Variants in MYLK4 observed in about 807,000 individuals in gnomAD.
MYLK4 encodes caMLCK like.
A neutral mutation model predicts 48.1 loss-of-function variants in MYLK4; 46 were observed. The ratio of observed to expected loss-of-function variants is 0.96; its 90% confidence interval spans 0.75 to 1.22. MYLK4 has a LOEUF of 1.22. Among genes scored for constraint, MYLK4 ranks in the 50% most tolerant of loss-of-function variants. The pLI is 0.00. For missense variants in MYLK4, 451 were observed against 486.1 expected (o/e 0.93, Z 0.68); for synonymous variants, 170 against 180.8 (o/e 0.94, Z 0.48).
intron 2 of MYLK4, among the ~76,000 whole-genome samples, chr6:2,712,601 C>G (rs975384792): frequency 6.6e-6 from 1 of 152,170 alleles, no homozygotes; most frequent in Non-Finnish European, 1.5e-5. Context: ...TAAACTTAAG[C>G]TAAGCAGAAT....
intron 2 of MYLK4, among the ~76,000 whole-genome samples, chr6:2,724,956 G>A (rs1407275286): frequency 6.6e-6 from 1 of 152,154 alleles, no homozygotes; most frequent in Non-Finnish European, 1.5e-5. Flanking sequence ...TTTAAGACCA[G>A]CCTGGCCAAC....
intron 2 of MYLK4, among the ~76,000 whole-genome samples, chr6:2,742,278 C>T (rs1040949083): frequency 2.0e-5 from 3 of 152,158 alleles, no homozygotes; most frequent in Non-Finnish European, 2.9e-5. Context: ...TAGAGCTCTC[C>T]GACTTCTGAA....
rs572236509 is a variant in MYLK4 at position 2,743,293 on chromosome 6, TAA to T, written c.159+5841_159+5842del. On this transcript the variant is annotated intron_variant, in intron 2 of 12. Coordinates refer to ENST00000274643, the MANE Select transcript of MYLK4 (RefSeq NM_001012418.5). ...AAATAATTTATCATATGCTAATTGA[TAA>T]GAGAGTCAAATATGTGCAAAGAGCT... Among the ~76,000 whole-genome samples the T allele has an allele frequency of 1.3e-4, 20 of 152,380 alleles. No individual in the cohort carries two copies. The Middle Eastern group carries it at 0.014, about 104-fold the overall frequency.
At chr6:2,714,333 G>A (rs1425762194) in intron 2 of MYLK4, among the ~76,000 whole-genome samples, 1 of 152,180 alleles carries the variant, frequency 6.6e-6, no homozygotes, top group Non-Finnish European at 1.5e-5. Flanking sequence ...TAAGTAAACT[G>A]CCCCTCAATT....
chr6:2,699,026 A>G (rs1385524860), intron 2 of MYLK4, among the ~76,000 whole-genome samples: 1 of 152,178 alleles, frequency 6.6e-6, no homozygotes, highest in Non-Finnish European at 1.5e-5. Context: ...CAGTCACCTG[A>G]GAAAATAACC....
the MYLK4 span, among the ~76,000 whole-genome samples, chr6:2,759,037 G>A: frequency 0.1 from 15,846 of 152,172 alleles, 897 homozygotes; most frequent in South Asian, 0.17. Flanking sequence ...CTTAGTTTTT[G>A]CTAATCTATT....
chr6:2,683,215 T>C, intron 6 of MYLK4, 53 bp from the exon 7 acceptor site: 1 of 1,604,626 alleles, frequency 6.2e-7, no homozygotes. Flanking sequence ...TACCACCATG[T>C]GCTTTTCTCG....
chr6:2,681,190 G>T (rs143410262), intron 7 of MYLK4, among the ~76,000 whole-genome samples: 386 of 152,278 alleles, frequency 2.5e-3, no homozygotes, highest in Non-Finnish European at 4.3e-3. Flanking sequence ...AAATGCCCAG[G>T]ATCCCGTTCC....
At chr6:2,668,559 T>G (rs1190244936) in intron 12 of MYLK4, among the ~76,000 whole-genome samples, 2 of 152,202 alleles carry the variant, frequency 1.3e-5, no homozygotes, top group East Asian at 3.9e-4. Flanking sequence ...CTGGAACTCT[T>G]TCTTTTACAA....
rs748813900 is a variant in MYLK4, at chr6:2,692,751, A to G, written c.235+33T>C. On this transcript the variant is annotated intron_variant, in intron 3 of 12. Transcript: ENST00000274643. ...GGACTTTTATAACGGAACTTTCTTC[A>G]TCCATAACTATCTACTTTTCTAAAG... 8 of 1,595,372 alleles carry G rather than the reference A, an allele frequency of 5.0e-6. No individual in the cohort carries two copies. The Admixed American group carries it at 6.7e-5, about 13-fold the overall frequency.
intron 3 of MYLK4, among the ~76,000 whole-genome samples, chr6:2,692,149 T>C (rs1761828008): frequency 6.6e-6 from 1 of 152,180 alleles, no homozygotes; most frequent in Non-Finnish European, 1.5e-5. Context: ...AAACACTGGG[T>C]GTTCATTTTT....
Position 2,671,282 on chromosome 6 carries a change from A to C in MYLK4, c.*19T>G, listed in dbSNP as rs754555634. The stretch of plus-strand genomic sequence containing the variant: ...CAGGAGACCCAAGACTAACCTTCCA[A>C]ATGGCTGCCTCCTGTAGACTATTTG... On this transcript the variant is annotated 3_prime_UTR_variant, in exon 12 of 13. Transcript: ENST00000274643. The C allele has an allele frequency of 2.5e-5, 41 of 1,612,816 alleles. No individual in the cohort carries two copies. Among genetic ancestry groups the C allele is most frequent in the Non-Finnish European group, 3.4e-5 (40 of 1,179,130 alleles).
intron 7 of MYLK4, among the ~76,000 whole-genome samples, chr6:2,682,055 G>A (rs1208990762): frequency 1.3e-5 from 2 of 152,166 alleles, no homozygotes; most frequent in Non-Finnish European, 2.9e-5. Flanking sequence ...AATGGGAAAG[G>A]CAAGGCACAT....
chr6:2,686,000 G>A lies in MYLK4; in HGVS notation c.342-424C>T, dbSNP rs149336454. 3.2e-3 allele frequency among the ~76,000 whole-genome samples: 483 copies of A among 151,710 alleles called. 5 individuals are homozygous for A. The highest frequency in any genetic ancestry group is 0.019 in the East Asian group (97 of 5,152). Reference sequence around the variant, plus strand: ...GGAGAACGGCGTGAACCCAGGAGGCGGAGGTTGCAGTGGGCCGAGATCGCG... The same window carrying A: ...GGAGAACGGCGTGAACCCAGGAGGCAGAGGTTGCAGTGGGCCGAGATCGCG... On this transcript the variant is annotated intron_variant, in intron 4 of 12. Coordinates refer to ENST00000274643, the MANE Select transcript of MYLK4 (RefSeq NM_001012418.5). This position sits in a 1 kb window ranked among gnomAD's most constrained non-coding sequence, Gnocchi z 4.5.
chr6:2,752,670 A>G (rs548222267), upstream of MYLK4, among the ~76,000 whole-genome samples: 113 of 152,288 alleles, frequency 7.4e-4, no homozygotes, highest in African/African-American at 2.6e-3. Context: ...GTGGAGATAG[A>G]AACTGGAGTT....
chr6:2,679,564 A>G, intron 8 of MYLK4, 156 bp from the exon 9 acceptor site: 1 of 965,516 alleles, frequency 1.0e-6, no homozygotes, highest in Non-Finnish European at 1.6e-6. Flanking sequence ...CAAGAGGCTC[A>G]AAAACTTGTA....
At chr6:2,689,105 A>T in intron 3 of MYLK4, 149 bp from the exon 4 acceptor site, 1 of 636,102 alleles carries the variant, frequency 1.6e-6, no homozygotes, top group Non-Finnish European at 2.8e-6. Context: ...AGGGATATAG[A>T]TTTCCACTTG....
chr6:2,740,089 G>A (rs1441058756), intron 2 of MYLK4, among the ~76,000 whole-genome samples: 1 of 152,228 alleles, frequency 6.6e-6, no homozygotes, highest in Non-Finnish European at 1.5e-5. Flanking sequence ...CAAGCTAGGT[G>A]CCCACCATGG....
chr6:2,717,066 G>T (rs567767660), intron 2 of MYLK4, among the ~76,000 whole-genome samples: 2 of 152,314 alleles, frequency 1.3e-5, no homozygotes, highest in East Asian at 1.9e-4. Context: ...TCCAAGAGAA[G>T]GGGACAGTAT....
Sources: allele counts gnomAD v4.1 joint callset (sites outside exome capture counted in the v4.1 genomes callset), GRCh38; gene constraint gnomAD v4.1.1; non-coding constraint Gnocchi (gnomAD v3.1); transcripts MANE v1.5; gene names NCBI Gene and HGNC (gene_info 2026-07-23, HGNC 2026-07-21).